Variants in PRH1 observed in about 807,000 individuals in gnomAD.
The protein encoded by PRH1 is salivary acidic proline-rich phosphoprotein 1/2.
PRH1 carries 7 observed loss-of-function variants against 7.9 expected under a neutral mutation model. The ratio of observed to expected loss-of-function variants is 0.89; its 90% confidence interval spans 0.50 to 1.67. The LOEUF (loss-of-function observed/expected upper bound fraction) is 1.67. PRH1 is among the 40% of genes most tolerant of loss of function. PRH1 has a pLI of 0.00. For synonymous variants in PRH1, 45 were observed against 80.8 expected, an observed-to-expected ratio of 0.56 and a Z score of 2.38; for missense variants, 109 against 223.6, an observed-to-expected ratio of 0.49 and a Z score of 3.27.
chr12:11,022,160 C>A, intron 1 of PRH1: 1 of 1,613,918 alleles, frequency 6.2e-7, no homozygotes, highest in Non-Finnish European at 8.5e-7. Context: ...ATCAGAAATA[C>A]CAAGGGCCCC....
At position 11,091,097 on chromosome 12, in the gene PRH1, T is replaced by TACACAC. The variant is rs34115566; in HGVS notation, n.124-43915_124-43910dup. On this transcript the variant is annotated intron_variant and non_coding_transcript_variant, in intron 1 of 4. Transcript: ENST00000541977. ...TCAATGTTAAGTTTTCATACACAAA[T>TACACAC]ACACACACACACACACACATATATA... is the stretch of plus-strand genomic sequence containing the variant. Among the ~76,000 whole-genome samples, 151 of 32,560 alleles carry TACACAC rather than the reference T, an allele frequency of 4.6e-3. 38 individuals are homozygous for TACACAC. The highest frequency in any genetic ancestry group is 0.012 in the Admixed American group (27 of 2,204). The allele number at this position is 32,560 out of a possible 152,430, so 21.4% of individuals were successfully genotyped here. A position where few individuals can be genotyped will look rare whatever the true frequency, so the allele number is the denominator to read the frequency against.
intron 1 of PRH1, among the ~76,000 whole-genome samples, chr12:11,064,710 T>C (rs1274354047): frequency 2.0e-5 from 3 of 152,164 alleles, no homozygotes; most frequent in Admixed American, 2.0e-4. Context: ...TTTAGAATTA[T>C]GCACATATTT....
intron 2 of PRH1, among the ~76,000 whole-genome samples, chr12:10,918,824 G>A (rs1164035435): frequency 1.3e-5 from 2 of 151,822 alleles, no homozygotes; most frequent in Admixed American, 1.3e-4. Flanking sequence ...ATGATAATCT[G>A]GTTTTTAAAA....
At chr12:11,022,504 G>T in intron 1 of PRH1, 2 of 1,613,762 alleles carry the variant, frequency 1.2e-6, no homozygotes, top group African/African-American at 1.3e-5. Flanking sequence ...GAAGCCATTG[G>T]CAACATTTCC....
chr12:11,107,028 A>C (rs1592026786), intron 1 of PRH1, among the ~76,000 whole-genome samples: 2 of 152,050 alleles, frequency 1.3e-5, no homozygotes, highest in East Asian at 3.9e-4. Context: ...GGGGAGCGAG[A>C]AAGACAGGGT....
chr12:10,908,501 A>C, intron 2 of PRH1: 1 of 1,613,966 alleles, frequency 6.2e-7, no homozygotes, highest in Middle Eastern at 1.6e-4. Flanking sequence ...CAATCGTCTC[A>C]CAAAGCATGT....
intron 2 of PRH1, among the ~76,000 whole-genome samples, chr12:10,951,625 G>C (rs548239040): frequency 6.6e-6 from 1 of 151,958 alleles, no homozygotes; most frequent in African/African-American, 2.4e-5. Flanking sequence ...AATATTTATC[G>C]AACTGATCTC....
intron 1 of PRH1, among the ~76,000 whole-genome samples, chr12:11,127,137 C>T (rs1323075295): frequency 6.6e-6 from 1 of 152,278 alleles, no homozygotes; most frequent in East Asian, 1.9e-4. Context: ...TCAAGGCTGT[C>T]TTAATGGAAA....
rs2136268644 is a variant in PRH1 at position 11,093,706 on chromosome 12, C to T, written n.124-46518G>A. 1.7e-5 allele frequency among the ~76,000 whole-genome samples: 2 copies of T among 115,272 alleles called. 1 individual carries two copies. The highest frequency in any genetic ancestry group is 4.7e-4 in the South Asian group (2 of 4,224). The allele number at this position is 115,272 out of a possible 152,430, so 75.6% of individuals were successfully genotyped here. A position where few individuals can be genotyped will look rare whatever the true frequency, so the allele number is the denominator to read the frequency against. ...TCACAGGAAGACTGACTACCTTACC[C>T]CTGAACTTGGAATTCAATCATTTCA... On this transcript the variant is annotated intron_variant and non_coding_transcript_variant, in intron 1 of 4. Transcript: ENST00000541977.
chr12:11,089,951 T>A lies in PRH1; in HGVS notation n.124-42763A>T, dbSNP rs192602280. ...GAAGGATTCTGCTTGGATAAGCCTGTAATCTTAACCTGAGACCGGAACAGG... is the reference window on the plus strand; with the variant it reads ...GAAGGATTCTGCTTGGATAAGCCTGAAATCTTAACCTGAGACCGGAACAGG... On this transcript the variant is annotated intron_variant and non_coding_transcript_variant, in intron 1 of 4. Transcript: ENST00000541977. Among the ~76,000 whole-genome samples the A allele has an allele frequency of 7.4e-3, 656 of 88,480 alleles. 3 individuals carry two copies. Among genetic ancestry groups the A allele is most frequent in the Non-Finnish European group, 9.2e-3 (326 of 35,398 alleles). The allele number at this position is 88,480 out of a possible 152,430, so 58.0% of individuals were successfully genotyped here.
intron 1 of PRH1, among the ~76,000 whole-genome samples, chr12:11,046,320 T>C (rs1942896340): frequency 6.6e-6 from 1 of 152,172 alleles, no homozygotes; most frequent in Admixed American, 6.5e-5. Context: ...AATTTAATTA[T>C]TTTAGCTGGG....
At chr12:10,938,671 A>C (rs1163067525) in intron 2 of PRH1, 8 of 1,614,100 alleles carry the variant, frequency 5.0e-6, no homozygotes, top group Non-Finnish European at 6.8e-6. Context: ...TGGTTAATAC[A>C]ATAAGACTGG....
chr12:11,122,890 G>C (rs980820066), intron 1 of PRH1, among the ~76,000 whole-genome samples: 1 of 152,116 alleles, frequency 6.6e-6, no homozygotes, highest in African/African-American at 2.4e-5. Context: ...GGCGAGACAT[G>C]GAACATTGCT....
chr12:11,052,848 C>A (rs1420132058), intron 1 of PRH1, among the ~76,000 whole-genome samples: 1 of 150,068 alleles, frequency 6.7e-6, no homozygotes, highest in Non-Finnish European at 1.5e-5. Context: ...TCTTTCTGAA[C>A]ATTATTTTCT....
At chr12:10,990,417 G>C (rs1939878073) in intron 1 of PRH1, among the ~76,000 whole-genome samples, 1 of 152,212 alleles carries the variant, frequency 6.6e-6, no homozygotes, top group Non-Finnish European at 1.5e-5. Context: ...CAAGTACGAA[G>C]TCCCTGAGGC....
intron 2 of PRH1, among the ~76,000 whole-genome samples, chr12:10,932,019 G>A (rs1423517516): frequency 3.9e-5 from 6 of 152,040 alleles, no homozygotes; most frequent in Admixed American, 6.5e-5. Context: ...ATCGTTTTTC[G>A]TCCTCATCTA....
chr12:11,081,581 T>G lies in PRH1; in HGVS notation n.124-34393A>C, dbSNP rs1467616707. On this transcript the variant is annotated intron_variant and non_coding_transcript_variant, in intron 1 of 4. Coordinates refer to the PRH1 transcript ENST00000541977. The stretch of plus-strand genomic sequence containing the variant: ...AAATTAAGTTGATGTGAGTAGCTTT[T>G]TTTGGATATTAGCTTGTCTGTTGCT... Among the ~76,000 whole-genome samples, 10 of 116,688 alleles carry G rather than the reference T, an allele frequency of 8.6e-5. 4 individuals carry two copies. Among genetic ancestry groups the G allele is most frequent in the Non-Finnish European group, 1.8e-4 (9 of 49,162 alleles). The allele number at this position is 116,688 out of a possible 152,430, so 76.6% of individuals were successfully genotyped here.
chr12:11,086,646 G>A (rs1423763069), intron 1 of PRH1, among the ~76,000 whole-genome samples: 1 of 143,560 alleles, frequency 7.0e-6, no homozygotes, highest in Admixed American at 7.1e-5. Context: ...GGGTGCGGTG[G>A]CTCAGGCCTG....
At chr12:11,011,878 A>G (rs1297826137) in intron 1 of PRH1, among the ~76,000 whole-genome samples, 3 of 152,064 alleles carry the variant, frequency 2.0e-5, no homozygotes, top group Non-Finnish European at 4.4e-5. Flanking sequence ...GGATGGGAGG[A>G]ATTATTGTCC....
Sources: allele counts gnomAD v4.1 joint callset (sites outside exome capture counted in the v4.1 genomes callset), GRCh38; gene constraint gnomAD v4.1.1; transcripts MANE v1.5; gene names NCBI Gene and HGNC (gene_info 2026-07-23, HGNC 2026-07-21).